Variants in APBA1 observed in about 807,000 individuals in gnomAD.
APBA1 encodes the protein amyloid-beta A4 precursor protein-binding family A member 1.
Under a neutral mutation model 86.6 loss-of-function variants are expected in APBA1, and 55 were observed. The observed-to-expected ratio is 0.64, with a 90% CI of 0.51 to 0.80. APBA1 has a LOEUF of 0.80. Among genes scored for constraint, APBA1 ranks in the 30% least tolerant of loss-of-function variants. The pLI is 0.00. For missense variants in APBA1, 1,090 were observed against 1,183.0 expected, an observed-to-expected ratio of 0.92 and a Z score of 1.15; for synonymous variants, 511 against 493.9, an observed-to-expected ratio of 1.03 and a Z score of -0.46.
intron 1 of APBA1, among the ~76,000 whole-genome samples, chr9:69,555,424 T>C (rs555701132): frequency 7.4e-4 from 113 of 152,320 alleles, no homozygotes; most frequent in Non-Finnish European, 1.3e-3. Context: ...TTCTGTGTTA[T>C]GTAAAATATC....
chr9:69,566,488 T>C (rs1369329534), intron 1 of APBA1, among the ~76,000 whole-genome samples: 1 of 152,214 alleles, frequency 6.6e-6, no homozygotes, highest in Non-Finnish European at 1.5e-5. Flanking sequence ...GCTGTTTGAA[T>C]AAAAGATGAT....
chr9:69,476,822 T>C (rs1835455251), intron 2 of APBA1, among the ~76,000 whole-genome samples: 1 of 152,148 alleles, frequency 6.6e-6, no homozygotes, highest in African/African-American at 2.4e-5. Flanking sequence ...AATGGCCTGG[T>C]TGGGTGTGGT....
intron 2 of APBA1, among the ~76,000 whole-genome samples, chr9:69,496,334 C>G (rs573908221): frequency 6.6e-6 from 1 of 152,196 alleles, no homozygotes; most frequent in African/African-American, 2.4e-5. Context: ...GACATGCTGA[C>G]AGGTCTCTCT....
chr9:69,530,314 A>C (rs879563071), intron 1 of APBA1, among the ~76,000 whole-genome samples: 4 of 125,462 alleles, frequency 3.2e-5, no homozygotes, highest in Non-Finnish European at 5.1e-5. Flanking sequence ...GTGTATATAT[A>C]TATATATATA....
chr9:69,642,404 A>T (rs146655973), intron 1 of APBA1, among the ~76,000 whole-genome samples: 60 of 152,346 alleles, frequency 3.9e-4, no homozygotes, highest in African/African-American at 1.4e-3. Context: ...GCAATGCATT[A>T]TCTCTACCAC....
intron 1 of APBA1, among the ~76,000 whole-genome samples, chr9:69,584,347 T>C (rs570818624): frequency 4.2e-4 from 64 of 152,302 alleles, no homozygotes; most frequent in African/African-American, 1.5e-3. Flanking sequence ...TTGGCTGTAT[T>C]AACTCATTTT....
chr9:69,524,052 A>G (rs1214874632), intron 1 of APBA1, among the ~76,000 whole-genome samples: 1 of 152,194 alleles, frequency 6.6e-6, no homozygotes, highest in Non-Finnish European at 1.5e-5. Flanking sequence ...AGAGAGACAC[A>G]GATACCAAAA....
intron 1 of APBA1, among the ~76,000 whole-genome samples, chr9:69,653,207 A>G (rs1244363137): frequency 1.4e-5 from 2 of 146,414 alleles, no homozygotes; most frequent in African/African-American, 5.5e-5. Flanking sequence ...GCTTAAAGAC[A>G]AAAAAAAGGC....
chr9:69,537,411 G>A (rs1296426066), intron 1 of APBA1, among the ~76,000 whole-genome samples: 1 of 152,058 alleles, frequency 6.6e-6, no homozygotes, highest in African/African-American at 2.4e-5. Context: ...TGCACAGCCT[G>A]TCTAGGGAAG....
chr9:69,467,391 T>C (rs972720760), intron 5 of APBA1, among the ~76,000 whole-genome samples: 1 of 152,242 alleles, frequency 6.6e-6, no homozygotes, highest in Non-Finnish European at 1.5e-5. Context: ...GCAAGTTCAA[T>C]CTAGCTTGAA....
chr9:69,464,666 A>G (rs948619513), intron 5 of APBA1: 4 of 152,244 alleles, frequency 2.6e-5, no homozygotes, highest in Non-Finnish European at 5.9e-5. Flanking sequence ...TAACAACTCT[A>G]TAGGACACCA....
intron 1 of APBA1, among the ~76,000 whole-genome samples, chr9:69,652,242 C>G (rs1823518428): frequency 6.6e-6 from 1 of 152,156 alleles, no homozygotes; most frequent in African/African-American, 2.4e-5. Context: ...ACTAATATAC[C>G]AGGTAAAGAA....
intron 1 of APBA1, among the ~76,000 whole-genome samples, chr9:69,636,922 G>GGAAGGAAGGAAGGAAAGAAAGAAA (rs1331913719): frequency 4.1e-4 from 26 of 63,880 alleles, no homozygotes; most frequent in East Asian, 1.8e-3. Flanking sequence ...AAGGAAGGAA[G>GGAAGGAAGGAAGGAAAGAAAGAAA]GAAAGAAAGA....
At chr9:69,576,094 G>A (rs1420111894) in intron 1 of APBA1, among the ~76,000 whole-genome samples, 2 of 152,168 alleles carry the variant, frequency 1.3e-5, no homozygotes, top group Non-Finnish European at 1.5e-5. Context: ...GCAGCCAAAA[G>A]ACACATGAAA....
At chr9:69,663,009 A>C (rs1001199437) in intron 1 of APBA1, among the ~76,000 whole-genome samples, 2 of 152,240 alleles carry the variant, frequency 1.3e-5, no homozygotes, top group Non-Finnish European at 1.5e-5. Context: ...TAACAATTCA[A>C]AAAACGAAAA....
At chr9:69,643,061 C>G (rs1034208788) in intron 1 of APBA1, among the ~76,000 whole-genome samples, 1 of 152,016 alleles carries the variant, frequency 6.6e-6, no homozygotes, top group Non-Finnish European at 1.5e-5. Flanking sequence ...CCCCCCTCCA[C>G]ACACAGCCTG....
chr9:69,492,982 G>A (rs572593747), intron 2 of APBA1, among the ~76,000 whole-genome samples: 12 of 152,016 alleles, frequency 7.9e-5, no homozygotes, highest in Admixed American at 3.9e-4. Flanking sequence ...TATGTAGAAC[G>A]ACACAGAGAA....
At chr9:69,655,424 G>A (rs1016619340) in intron 1 of APBA1, among the ~76,000 whole-genome samples, 2 of 151,898 alleles carry the variant, frequency 1.3e-5, no homozygotes, top group Admixed American at 6.6e-5. Context: ...AAAATTAGTA[G>A]CATTTCTATA....
In APBA1 at chr9:69,546,887, T is replaced by C. The variant is rs12352155; in HGVS notation, c.-69-29608A>G. On this transcript the variant is annotated intron_variant, in intron 1 of 12. Coordinates refer to ENST00000265381, the MANE Select transcript of APBA1 (RefSeq NM_001163.4). ...ATGCACCCTTCTGACCCACCTACTT[T>C]ATAGAGTTACTGCAATGATAAAATG... is the stretch of plus-strand genomic sequence containing the variant. Among the ~76,000 whole-genome samples, 416 of 152,318 alleles carry C rather than the reference T, an allele frequency of 2.7e-3. 1 individual carries two copies. Among genetic ancestry groups the C allele is most frequent in the Middle Eastern group, 0.01 (3 of 294 alleles).
Sources: allele counts gnomAD v4.1 joint callset (sites outside exome capture counted in the v4.1 genomes callset), GRCh38; gene constraint gnomAD v4.1.1; transcripts MANE v1.5; gene names NCBI Gene and HGNC (gene_info 2026-07-23, HGNC 2026-07-21).